The following WWOX variants were observed in gnomAD, a reference collection of about 807,000 sequenced individuals.
The protein encoded by WWOX is WW domain-containing oxidoreductase.
Under a neutral mutation model 46.2 loss-of-function variants are expected in WWOX, and 69 were observed. The ratio of observed to expected loss-of-function variants is 1.49; its 90% CI spans 1.23 to 1.82. The LOEUF (loss-of-function observed/expected upper bound fraction) is 1.82. Ranked by LOEUF, WWOX falls within the 40% of genes most tolerant of loss-of-function variation. The pLI, the probability that WWOX is intolerant of heterozygous loss-of-function variation, is 0.00. For missense variants in WWOX, 919 were observed against 542.6 expected (o/e 1.69, Z -6.89); for synonymous variants, 359 against 202.6 (o/e 1.77, Z -6.56).
intron 8 of WWOX, among the ~76,000 whole-genome samples, chr16:78,656,604 G>C (rs1053097982): frequency 6.6e-6 from 1 of 152,154 alleles, no homozygotes; most frequent in African/African-American, 2.4e-5. Flanking sequence ...AGAACAGCAA[G>C]GGGGAAATCA....
intron 8 of WWOX, among the ~76,000 whole-genome samples, chr16:78,871,777 C>T (rs747418187): frequency 2.0e-5 from 3 of 152,066 alleles, no homozygotes; most frequent in African/African-American, 7.2e-5. Context: ...TTTTTTGTAT[C>T]TTTTTTAGTA....
chr16:78,531,401 T>C (rs1163236612), intron 8 of WWOX, among the ~76,000 whole-genome samples: 3 of 152,208 alleles, frequency 2.0e-5, no homozygotes, highest in African/African-American at 7.2e-5. Flanking sequence ...TGCACCCTGT[T>C]TGGTTGAAAC....
At chr16:78,576,414 C>T (rs1385537513) in intron 8 of WWOX, among the ~76,000 whole-genome samples, 2 of 152,260 alleles carry the variant, frequency 1.3e-5, no homozygotes, top group East Asian at 3.9e-4. Flanking sequence ...CTCTTTGTTC[C>T]TTTTGCACAC....
At chr16:78,183,202 C>A (rs559168991) in intron 5 of WWOX, among the ~76,000 whole-genome samples, 3 of 152,034 alleles carry the variant, frequency 2.0e-5, no homozygotes, top group African/African-American at 7.2e-5. Context: ...TGGAGACAGA[C>A]ACGTAAATTA....
intron 8 of WWOX, among the ~76,000 whole-genome samples, chr16:78,882,237 T>C (rs79620641): frequency 0.017 from 2,597 of 152,350 alleles, 77 homozygotes; most frequent in African/African-American, 0.059. Flanking sequence ...GTGTATAGTA[T>C]GTTATAGTTT....
intron 8 of WWOX, among the ~76,000 whole-genome samples, chr16:78,472,849 G>A (rs896110159): frequency 2.8e-5 from 4 of 144,186 alleles, no homozygotes; most frequent in Non-Finnish European, 6.0e-5. Context: ...ATGTCATTTC[G>A]TTGTCACAGC....
At position 78,505,871 on chromosome 16, in the gene WWOX, G is replaced by A. The variant is rs575947782; in HGVS notation, c.1056+73119G>A. On this transcript the variant is annotated intron_variant, in intron 8 of 8. Coordinates refer to ENST00000566780, the MANE Select transcript of WWOX (RefSeq NM_016373.4). ...GTGGAGAGGACTCCAGGGCCATGGA[G>A]GAAGATTCGGCCTTTCTCTCCCTAA... is the stretch of plus-strand genomic sequence containing the variant. Among the ~76,000 whole-genome samples, 16 of 152,326 alleles carry A rather than the reference G, an allele frequency of 1.1e-4. No homozygotes were observed. The South Asian group carries it at 2.9e-3, about 28-fold the overall frequency.
chr16:78,435,384 G>C (rs1212781098), intron 8 of WWOX, among the ~76,000 whole-genome samples: 1 of 152,206 alleles, frequency 6.6e-6, no homozygotes, highest in Non-Finnish European at 1.5e-5. Flanking sequence ...AGAGCTCAGA[G>C]ACTACTTGTG....
intron 1 of WWOX, among the ~76,000 whole-genome samples, chr16:78,105,452 C>CT (rs2032080133): frequency 7.9e-6 from 1 of 125,938 alleles, no homozygotes; most frequent in Non-Finnish European, 1.8e-5. Context: ...GAGTGAGACT[C>CT]TGTCTCAAAA....
chr16:78,545,066 CA>C (rs2043995933), intron 8 of WWOX, among the ~76,000 whole-genome samples: 1 of 152,056 alleles, frequency 6.6e-6, no homozygotes, highest in East Asian at 1.9e-4. Flanking sequence ...ATAAGCAAAC[CA>C]AACGTGAATT....
intron 8 of WWOX, among the ~76,000 whole-genome samples, chr16:78,654,346 C>T (rs1160965324): frequency 1.3e-5 from 2 of 152,214 alleles, no homozygotes; most frequent in South Asian, 2.1e-4. Context: ...TCATCGTCAT[C>T]CTCATCATCG....
intron 8 of WWOX, among the ~76,000 whole-genome samples, chr16:78,979,299 C>T (rs934444462): frequency 6.6e-6 from 1 of 152,152 alleles, no homozygotes; most frequent in Non-Finnish European, 1.5e-5. Context: ...TAGTTCATCT[C>T]CTTCTAACCT....
intron 8 of WWOX, among the ~76,000 whole-genome samples, chr16:78,475,298 C>T (rs923462177): frequency 6.6e-6 from 1 of 152,182 alleles, no homozygotes. Flanking sequence ...CAGGGACCTC[C>T]TTGTGCTGTT....
intron 8 of WWOX, among the ~76,000 whole-genome samples, chr16:78,864,786 A>C (rs2043967353): frequency 9.5e-6 from 1 of 104,930 alleles, no homozygotes; most frequent in Non-Finnish European, 1.8e-5. Context: ...TTTTTTTGAG[A>C]CAGTCTCACT....
chr16:78,525,016 C>G (rs115279052), intron 8 of WWOX, among the ~76,000 whole-genome samples: 2 of 150,710 alleles, frequency 1.3e-5, no homozygotes, highest in Admixed American at 1.3e-4. Flanking sequence ...CGGGCTCATG[C>G]CACCACACTT....
chr16:79,071,209 G>A (rs1597346781), intron 8 of WWOX, among the ~76,000 whole-genome samples: 1 of 152,136 alleles, frequency 6.6e-6, no homozygotes, highest in Admixed American at 6.6e-5. Flanking sequence ...TGTTGTTCAG[G>A]TGAGTCTCAC....
intron 5 of WWOX, among the ~76,000 whole-genome samples, chr16:78,211,585 A>G (rs1043890506): frequency 1.3e-5 from 2 of 152,170 alleles, no homozygotes; most frequent in Non-Finnish European, 2.9e-5. Context: ...TGCATTGTCA[A>G]GACTACATTG....
At chr16:79,041,516 C>T (rs552540182) in intron 8 of WWOX, among the ~76,000 whole-genome samples, 3 of 152,228 alleles carry the variant, frequency 2.0e-5, no homozygotes, top group African/African-American at 4.8e-5. Context: ...TCATTAAGTC[C>T]GCAGAACTCA....
At chr16:78,244,152 G>T (rs1186498449) in intron 5 of WWOX, among the ~76,000 whole-genome samples, 1 of 152,134 alleles carries the variant, frequency 6.6e-6, no homozygotes, top group Non-Finnish European at 1.5e-5. Context: ...TTGATACCTC[G>T]TAACCTCAGC....
Sources: allele counts gnomAD v4.1 joint callset (sites outside exome capture counted in the v4.1 genomes callset), GRCh38; gene constraint gnomAD v4.1.1; transcripts MANE v1.5; gene names NCBI Gene and HGNC (gene_info 2026-07-23, HGNC 2026-07-21).